Variants in EXOC4 observed in about 807,000 individuals in gnomAD.
EXOC4 encodes the protein exocyst complex component 4.
Under a neutral mutation model 107.2 loss-of-function variants are expected in EXOC4, and 71 were observed. The observed-to-expected ratio is 0.66, with a 90% CI of 0.55 to 0.81. The LOEUF is 0.81. EXOC4 is among the 30% of genes least tolerant of loss of function. EXOC4 has a pLI of 0.00. For missense variants in EXOC4, 1,108 were observed against 1,189.6 expected (o/e 0.93, Z 1.01); for synonymous variants, 456 against 441.2 (o/e 1.03, Z -0.42).
chr7:133,349,624 T>G (rs1315975694), intron 5 of EXOC4, among the ~76,000 whole-genome samples: 1 of 152,162 alleles, frequency 6.6e-6, no homozygotes, highest in South Asian at 2.1e-4. Context: ...TGAAAATGAG[T>G]GTACTCTTCA....
At chr7:133,561,061 T>C (rs535777174) in intron 9 of EXOC4, among the ~76,000 whole-genome samples, 1 of 152,182 alleles carries the variant, frequency 6.6e-6, no homozygotes, top group Non-Finnish European at 1.5e-5. Context: ...ACAGTCATTA[T>C]GTACCTGGTT....
At chr7:133,782,718 G>T (rs1290366064) in intron 10 of EXOC4, among the ~76,000 whole-genome samples, 1 of 152,162 alleles carries the variant, frequency 6.6e-6, no homozygotes, top group African/African-American at 2.4e-5. Flanking sequence ...AGGAATGACT[G>T]TCACCTTAGA....
chr7:133,755,720 G>A (rs911977520), intron 10 of EXOC4, among the ~76,000 whole-genome samples: 3 of 152,072 alleles, frequency 2.0e-5, no homozygotes, highest in Non-Finnish European at 4.4e-5. Flanking sequence ...AGCACACTAG[G>A]TTCTGTGCGC....
At chr7:133,916,965 T>C (rs897602701) in intron 12 of EXOC4, among the ~76,000 whole-genome samples, 1 of 152,198 alleles carries the variant, frequency 6.6e-6, no homozygotes, top group South Asian at 2.1e-4. Flanking sequence ...ATGGGCCCTA[T>C]GAAAAGACTT....
chr7:133,767,522 C>T (rs1312431594), intron 10 of EXOC4, among the ~76,000 whole-genome samples: 1 of 151,880 alleles, frequency 6.6e-6, no homozygotes, highest in African/African-American at 2.4e-5. Flanking sequence ...TTCCTTTTGT[C>T]ATATTCTCAC....
At chr7:133,523,630 C>A (rs562852589) in intron 9 of EXOC4, among the ~76,000 whole-genome samples, 2 of 147,066 alleles carry the variant, frequency 1.4e-5, no homozygotes, top group African/African-American at 2.5e-5. Flanking sequence ...GTGTGATGTT[C>A]CCCTTCCTGT....
intron 7 of EXOC4, among the ~76,000 whole-genome samples, chr7:133,466,486 A>C (rs780394200): frequency 5.9e-5 from 9 of 152,224 alleles, no homozygotes; most frequent in Admixed American, 1.3e-4. Context: ...CTACAAAGAC[A>C]CAAAGTACCA....
At chr7:133,456,813 A>C (rs1382317545) in intron 7 of EXOC4, among the ~76,000 whole-genome samples, 4 of 152,188 alleles carry the variant, frequency 2.6e-5, no homozygotes, top group Non-Finnish European at 5.9e-5. Context: ...CACAGAAAGC[A>C]CTCATAAATG....
At chr7:133,737,989 G>A (rs1446654768) in intron 10 of EXOC4, among the ~76,000 whole-genome samples, 2 of 125,658 alleles carry the variant, frequency 1.6e-5, no homozygotes, top group Non-Finnish European at 3.1e-5. Context: ...TCATTTCACT[G>A]CAGCCTCTGC....
At chr7:133,335,489 A>G (rs866867508) in intron 5 of EXOC4, among the ~76,000 whole-genome samples, 3 of 152,214 alleles carry the variant, frequency 2.0e-5, no homozygotes, top group Non-Finnish European at 4.4e-5. Context: ...TTCACTTAGC[A>G]TAATATTTTC....
At chr7:134,006,824 C>A (rs1416662624) in intron 16 of EXOC4, among the ~76,000 whole-genome samples, 3 of 152,176 alleles carry the variant, frequency 2.0e-5, no homozygotes, top group African/African-American at 7.2e-5. Context: ...AAAATAGTAA[C>A]CCATATGTGC....
intron 9 of EXOC4, among the ~76,000 whole-genome samples, chr7:133,514,610 A>G (rs1404904039): frequency 2.6e-5 from 4 of 152,212 alleles, no homozygotes; most frequent in Admixed American, 6.5e-5. Flanking sequence ...TAAATGATTG[A>G]TGAGAGGAGA....
At chr7:133,574,161 A>C (rs1243344228) in intron 9 of EXOC4, among the ~76,000 whole-genome samples, 3 of 152,120 alleles carry the variant, frequency 2.0e-5, no homozygotes, top group Non-Finnish European at 2.9e-5. Context: ...TATATATAAG[A>C]AGTAGCTCTG....
chr7:133,283,517 T>C (rs900489419), intron 2 of EXOC4, among the ~76,000 whole-genome samples: 2 of 152,252 alleles, frequency 1.3e-5, no homozygotes, highest in Admixed American at 1.3e-4. Context: ...CTTCAATTCC[T>C]TTTGATATAG....
At chr7:133,369,058 C>G (rs4731948) in intron 6 of EXOC4, among the ~76,000 whole-genome samples, 2 of 152,198 alleles carry the variant, frequency 1.3e-5, no homozygotes, top group South Asian at 2.1e-4. Context: ...AATGATTTCA[C>G]TGGGGCATTG....
At chr7:133,686,413 A>G (rs997390326) in intron 10 of EXOC4, among the ~76,000 whole-genome samples, 2 of 152,152 alleles carry the variant, frequency 1.3e-5, no homozygotes, top group African/African-American at 4.8e-5. Context: ...CGATAGTCCT[A>G]TAGACAGTTG....
At chr7:134,056,249 G>T (rs757282483) in intron 17 of EXOC4, among the ~76,000 whole-genome samples, 5 of 152,062 alleles carry the variant, frequency 3.3e-5, no homozygotes, top group Non-Finnish European at 7.4e-5. Flanking sequence ...AAATTGAAAA[G>T]ACTCTAAAGT....
chr7:133,671,577 A>G (rs1793946412), intron 10 of EXOC4, among the ~76,000 whole-genome samples: 1 of 152,158 alleles, frequency 6.6e-6, no homozygotes, highest in Non-Finnish European at 1.5e-5. Context: ...AAATAAATAA[A>G]TAAGTAAATA....
At chr7:134,026,997 A>AT (rs917701439) in intron 17 of EXOC4, among the ~76,000 whole-genome samples, 2 of 152,018 alleles carry the variant, frequency 1.3e-5, no homozygotes, top group African/African-American at 2.4e-5. Flanking sequence ...TTCCAAAAAG[A>AT]TTTTTTTTAA....
Sources: allele counts gnomAD v4.1 joint callset (sites outside exome capture counted in the v4.1 genomes callset), GRCh38; gene constraint gnomAD v4.1.1; transcripts MANE v1.5; gene names NCBI Gene and HGNC (gene_info 2026-07-23, HGNC 2026-07-21).